The following CYP39A1 variants were observed in gnomAD, a reference collection of about 807,000 sequenced individuals.
CYP39A1 encodes cytochrome P450 family 39 subfamily A member 1.
Under a neutral mutation model 58.1 loss-of-function variants are expected in CYP39A1, and 49 were observed. That is an observed-to-expected ratio of 0.84 (90% confidence interval 0.67 to 1.07). The LOEUF is 1.07. Among genes scored for constraint, CYP39A1 ranks in the 50% least tolerant of loss-of-function variants. The pLI, the probability that CYP39A1 is intolerant of heterozygous loss-of-function variation, is 0.00. For synonymous variants in CYP39A1, 209 were observed against 187.6 expected (o/e 1.11, Z -0.93); for missense variants, 531 against 539.4 (o/e 0.98, Z 0.16).
At chr6:46,552,246 T>C (rs1427078639) in intron 11 of CYP39A1, among the ~76,000 whole-genome samples, 2 of 152,174 alleles carry the variant, frequency 1.3e-5, no homozygotes, top group Non-Finnish European at 2.9e-5. Context: ...TTCAACTCAG[T>C]GGATCAGGAA....
intron 10 of CYP39A1, chr6:46,586,403 C>T: frequency 1.0e-6 from 1 of 981,384 alleles, no homozygotes; most frequent in Non-Finnish European, 1.2e-6. Flanking sequence ...ATTGTAAATT[C>T]TATGAAGTCA....
intron 7 of CYP39A1, among the ~76,000 whole-genome samples, chr6:46,621,178 GA>G (rs1278546075): frequency 1.3e-5 from 2 of 151,628 alleles, no homozygotes; most frequent in South Asian, 4.2e-4. Flanking sequence ...ATTCACAGAG[GA>G]AAAAAAGGAA....
At chr6:46,597,992 C>T (rs1773270209) in intron 7 of CYP39A1, among the ~76,000 whole-genome samples, 2 of 152,068 alleles carry the variant, frequency 1.3e-5, no homozygotes, top group African/African-American at 2.4e-5. Flanking sequence ...TTTCCTTTTC[C>T]GTAACAAAGA....
intron 11 of CYP39A1, among the ~76,000 whole-genome samples, chr6:46,550,713 C>CTA (rs1303571983): frequency 6.6e-6 from 1 of 152,134 alleles, no homozygotes; most frequent in African/African-American, 2.4e-5. Flanking sequence ...CTTTATCTGG[C>CTA]TAAAGAGGTT....
intron 1 of CYP39A1, among the ~76,000 whole-genome samples, chr6:46,644,400 C>G (rs968160364): frequency 8.5e-5 from 13 of 152,128 alleles, no homozygotes; most frequent in African/African-American, 3.1e-4. Flanking sequence ...TGCCTATAAT[C>G]CTACTGCTTT....
chr6:46,611,002 A>G (rs3799875), intron 7 of CYP39A1, among the ~76,000 whole-genome samples: 30,004 of 152,084 alleles, frequency 0.2, 3,245 homozygotes, highest in African/African-American at 0.29. Context: ...AGACTGGGGA[A>G]AGCAAATAAT....
At chr6:46,635,730 A>G (rs545345682) in intron 5 of CYP39A1, among the ~76,000 whole-genome samples, 17 of 151,906 alleles carry the variant, frequency 1.1e-4, no homozygotes, top group South Asian at 1.0e-3. Context: ...AATTTTTTAT[A>G]TATATAATTA....
At chr6:46,621,894 C>CA (rs915917818) in intron 7 of CYP39A1, among the ~76,000 whole-genome samples, 56 of 151,434 alleles carry the variant, frequency 3.7e-4, no homozygotes, top group African/African-American at 1.1e-3. Context: ...ATAGATTCTT[C>CA]AAAAAAAATA....
chr6:46,581,848 T>C (rs1021178570), intron 10 of CYP39A1, among the ~76,000 whole-genome samples: 1 of 152,216 alleles, frequency 6.6e-6, no homozygotes, highest in Non-Finnish European at 1.5e-5. Flanking sequence ...CTTGACATAC[T>C]TATGTCTTAG....
At chr6:46,649,049 G>C (rs1052014713) in intron 1 of CYP39A1, among the ~76,000 whole-genome samples, 2 of 152,184 alleles carry the variant, frequency 1.3e-5, no homozygotes, top group African/African-American at 4.8e-5. Flanking sequence ...TATCAGGTTT[G>C]CAATATGGGT....
chr6:46,602,016 G>C (rs551198574), intron 7 of CYP39A1, among the ~76,000 whole-genome samples: 1 of 151,880 alleles, frequency 6.6e-6, no homozygotes, highest in South Asian at 2.1e-4. Flanking sequence ...AAAATAACCC[G>C]GGATCCCCCA....
intron 10 of CYP39A1, among the ~76,000 whole-genome samples, chr6:46,565,495 A>C (rs1012054453): frequency 7.0e-6 from 1 of 143,822 alleles, no homozygotes; most frequent in Admixed American, 6.9e-5. Flanking sequence ...CATAAAAAAA[A>C]GAAGAAAATG....
intron 1 of CYP39A1, among the ~76,000 whole-genome samples, chr6:46,644,476 G>C (rs1472292481): frequency 2.0e-5 from 3 of 152,064 alleles, no homozygotes; most frequent in Non-Finnish European, 4.4e-5. Flanking sequence ...GCTATGATTT[G>C]CACCACTGCA....
rs1398066484 is a variant in CYP39A1, at chr6:46,570,353, C to T, written c.1251-16499G>A. The stretch of plus-strand genomic sequence containing the variant: ...TTTATTTCTGCTTTGAGCTTTATTT[C>T]CATATGTCTGCCAACTTTGTGCTTC... On this transcript the variant is annotated intron_variant, in intron 10 of 11. Coordinates refer to ENST00000275016, the MANE Select transcript of CYP39A1 (RefSeq NM_016593.5). Among the ~76,000 whole-genome samples, 4 of 152,114 alleles carry T rather than the reference C, an allele frequency of 2.6e-5. No homozygotes were observed. The South Asian group carries it at 6.2e-4, about 24-fold the overall frequency.
chr6:46,587,264 G>A, intron 9 of CYP39A1, 99 bp from the exon 10 acceptor site: 1 of 788,934 alleles, frequency 1.3e-6, no homozygotes. Context: ...GCTAATCCTT[G>A]CATATAAAGT....
intron 7 of CYP39A1, among the ~76,000 whole-genome samples, chr6:46,604,615 A>G (rs979867480): frequency 6.6e-6 from 1 of 152,232 alleles, no homozygotes; most frequent in Non-Finnish European, 1.5e-5. Flanking sequence ...TAACATGTTT[A>G]TTTGAATTGA....
rs543389570 is a variant in CYP39A1, at chr6:46,572,831, A to G, written c.1250+14246T>C. On this transcript the variant is annotated intron_variant, in intron 10 of 11. Coordinates refer to ENST00000275016, the MANE Select transcript of CYP39A1 (RefSeq NM_016593.5). ...TCATTATTAGTGTCCCTTAAGTCCC[A>G]TAGGTTTACTTTACTCTTTTCAATT... Among the ~76,000 whole-genome samples, 12 of 152,186 alleles carry G rather than the reference A, an allele frequency of 7.9e-5. No individual in the cohort carries two copies. The South Asian group carries it at 2.5e-3, about 32-fold the overall frequency.
At chr6:46,562,539 A>C (rs993672880) in intron 10 of CYP39A1, among the ~76,000 whole-genome samples, 1 of 151,652 alleles carries the variant, frequency 6.6e-6, no homozygotes, top group African/African-American at 2.4e-5. Flanking sequence ...AGGCTGAAGC[A>C]GGTGGATCAC....
intron 10 of CYP39A1, among the ~76,000 whole-genome samples, chr6:46,563,870 C>T (rs1771110517): frequency 6.6e-6 from 1 of 152,032 alleles, no homozygotes; most frequent in Non-Finnish European, 1.5e-5. Flanking sequence ...AGGCTGGTGT[C>T]AGATTATGGA....
Sources: allele counts gnomAD v4.1 joint callset (sites outside exome capture counted in the v4.1 genomes callset), GRCh38; gene constraint gnomAD v4.1.1; transcripts MANE v1.5; gene names NCBI Gene and HGNC (gene_info 2026-07-23, HGNC 2026-07-21).